ALKBH4: variants seen among roughly 807,000 people sequenced by gnomAD.
ALKBH4 encodes alkB homolog 4, lysine demethylase, also known as alpha-ketoglutarate-dependent dioxygenase alkB homolog 4.
Under a neutral mutation model 12.1 loss-of-function variants are expected in ALKBH4, and 8 were observed. The ratio of observed to expected loss-of-function variants is 0.66; its 90% confidence interval spans 0.39 to 1.19. The LOEUF is 1.19. ALKBH4 is among the 50% of genes most tolerant of loss of function. The pLI is 0.01. For missense variants in ALKBH4, 403 were observed against 430.4 expected (o/e 0.94, Z 0.56); for synonymous variants, 195 against 191.6 (o/e 1.02, Z -0.15).
chr7:102,457,947 T>C lies in ALKBH4; in HGVS notation c.356A>G (p.Lys119Arg). The change falls in exon 3 of 3, where the codon AAG (lysine) becomes AGG (arginine). Residue 119 changes from lysine (K) to arginine (R), a missense_variant. Lys to Arg is a conservative substitution (Grantham distance 26, BLOSUM62 2). Transcript: ENST00000292566. This position sits in a 1 kb window ranked among gnomAD's most constrained non-coding sequence, Gnocchi z 5.9. ...YGPKVNFRKQ[K>R]LKTEGFCGLP... The stretch of plus-strand genomic sequence containing the variant: ...GCCGCAGAAGCCCTCGGTCTTTAGC[T>C]TCTGTTTCCGAAAGTTGACTTTGGG... 1 of 1,610,948 alleles carries C rather than the reference T, an allele frequency of 6.2e-7. No individual in the cohort carries two copies. Among genetic ancestry groups the C allele is most frequent in the Non-Finnish European group, 8.5e-7 (1 of 1,178,200 alleles).
chr7:102,464,703 C>T lies in ALKBH4; in HGVS notation c.123+11G>A, dbSNP rs199521113. Reference sequence around the variant, plus strand: ...GACGTTTGTGGGCGCGGCCCCTCTCCCACCCCTTACCGCTGGGGGCAGCTC... The same window carrying T: ...GACGTTTGTGGGCGCGGCCCCTCTCTCACCCCTTACCGCTGGGGGCAGCTC... On this transcript the variant is annotated intron_variant, in intron 1 of 2. Coordinates refer to ENST00000292566, the MANE Select transcript of ALKBH4 (RefSeq NM_017621.4). 29 of 1,521,766 alleles carry T rather than the reference C, an allele frequency of 1.9e-5. No homozygotes were observed. Among genetic ancestry groups the T allele is most frequent in the Non-Finnish European group, 2.5e-5 (28 of 1,138,396 alleles). 94.3% of individuals were successfully genotyped at this position (1,521,766 alleles called of 1,614,324 possible). A position where few individuals can be genotyped will look rare whatever the true frequency, so the allele number is the denominator to read the frequency against.
Position 102,457,741 on chromosome 7 carries a change from G to C in ALKBH4, c.562C>G (p.Pro188Ala), listed in dbSNP as rs765883433. 6 of 1,577,732 alleles carry C rather than the reference G, an allele frequency of 3.8e-6. No homozygotes were observed. The highest frequency in any genetic ancestry group is 5.2e-6 in the Non-Finnish European group (6 of 1,164,672). The change falls in exon 3 of 3, where the codon CCC becomes GCC. Residue 188 changes from proline to alanine, a missense_variant. Physicochemically the swap from Pro to Ala is conservative, Grantham distance 27 (BLOSUM62 -1). Coordinates refer to ENST00000292566, the MANE Select transcript of ALKBH4 (RefSeq NM_017621.4). This position sits in a 1 kb window ranked among gnomAD's most constrained non-coding sequence, Gnocchi z 5.9. ...ERLVSLNLLS[P>A]TVLSMCREAP... is the part of the protein sequence containing the mutation. ...TCCCGACACATGGACAGCACGGTGGGGGACAGGAGGTTGAGGCTGACCAGC... is the reference window on the plus strand; with the variant it reads ...TCCCGACACATGGACAGCACGGTGGCGGACAGGAGGTTGAGGCTGACCAGC...
intron 1 of ALKBH4, among the ~76,000 whole-genome samples, chr7:102,460,802 C>T (rs766425196): frequency 2.0e-5 from 3 of 152,138 alleles, no homozygotes; most frequent in Admixed American, 1.3e-4. Context: ...CTATCACCAG[C>T]GTGAGGGTCA....
At chr7:102,464,603 TA>T (rs1797893914) in intron 1 of ALKBH4, 110 bp downstream of exon 1, 1 of 1,393,348 alleles carries the variant, frequency 7.2e-7, no homozygotes, top group Non-Finnish European at 9.4e-7. Flanking sequence ...ACCCCTACCG[TA>T]AGGGTCCCTC....
rs1368531062 is a variant in ALKBH4 at position 102,457,796 on chromosome 7, G to A, written c.507C>T (p.His169=). ...CCCCCCACAGCCAGGCGTCGTCCAG[G>A]TGGGGGTCAATGGCAGAGCCCCGCT... ...CPERGSAIDP[H]LDDAWLWGER... is the part of the protein sequence containing the mutation. The change falls in exon 3 of 3, where the codon CAC becomes CAT. Residue 169 remains histidine (H), a synonymous_variant. Coordinates refer to ENST00000292566, the MANE Select transcript of ALKBH4 (RefSeq NM_017621.4). This position sits in a 1 kb window ranked among gnomAD's most constrained non-coding sequence, Gnocchi z 5.9. The A allele has an allele frequency of 3.7e-6, 6 of 1,607,142 alleles. No homozygotes were observed. The highest frequency in any genetic ancestry group is 1.1e-5 in the South Asian group (1 of 90,954).
Position 102,457,826 on chromosome 7 carries a change from G to A in ALKBH4, c.477C>T (p.Cys159=). 6.2e-7 allele frequency: 1 copy of A among 1,610,368 alleles called. No individual in the cohort carries two copies. ...RPVEQCNLDY[C]PERGSAIDPH... ...GGTCAATGGCAGAGCCCCGCTCGGG[G>A]CAGTAGTCCAGGTTGCACTGCTCGA... Residue 159 remains cysteine (C), a synonymous_variant, in exon 3 of 3, where the codon TGC becomes TGT. Coordinates refer to ENST00000292566, the MANE Select transcript of ALKBH4 (RefSeq NM_017621.4). The surrounding 1 kb of genome is among the most constrained non-coding windows in gnomAD (Gnocchi z 5.9).
intron 1 of ALKBH4, among the ~76,000 whole-genome samples, 180 bp from the exon 2 acceptor site, chr7:102,459,981 C>A (rs1399768316): frequency 6.6e-6 from 1 of 151,934 alleles, no homozygotes; most frequent in East Asian, 1.9e-4. Context: ...TGGTGAAACC[C>A]CATCTCTACT....
At chr7:102,460,261 G>A (rs978057473) in intron 1 of ALKBH4, among the ~76,000 whole-genome samples, 4 of 151,218 alleles carry the variant, frequency 2.6e-5, no homozygotes, top group Non-Finnish European at 4.4e-5. Flanking sequence ...GGAGGTTGAG[G>A]CTACAGTGAG....
Position 102,457,135 on chromosome 7 carries a change from A to G in ALKBH4, c.*259T>C. On this transcript the variant is annotated 3_prime_UTR_variant, in exon 3 of 3. Coordinates refer to ENST00000292566, the MANE Select transcript of ALKBH4 (RefSeq NM_017621.4). The surrounding 1 kb of genome is among the most constrained non-coding windows in gnomAD (Gnocchi z 5.9). ...TGAGCCACTGTGCCCGGCCCCCAGT[A>G]TTTTTTAAGCTCAAATGATCCCATG... 7.0e-6 allele frequency: 3 copies of G among 426,468 alleles called. No homozygotes were observed. The South Asian group carries it at 1.3e-4, about 18-fold the overall frequency. 26.4% of individuals were successfully genotyped at this position (426,468 alleles called of 1,614,324 possible).
intron 1 of ALKBH4, among the ~76,000 whole-genome samples, chr7:102,462,053 C>T (rs867909290): frequency 6.6e-6 from 1 of 152,264 alleles, no homozygotes; most frequent in African/African-American, 2.4e-5. Flanking sequence ...TCTCCTCCTG[C>T]TCCTGGGGCC....
chr7:102,458,026 A>G, intron 2 of ALKBH4, 45 bp from the exon 3 acceptor site: 1 of 1,530,600 alleles, frequency 6.5e-7, no homozygotes, highest in African/African-American at 1.4e-5. Flanking sequence ...TGAGTTTACG[A>G]AGATGTCTAC....
chr7:102,459,023 G>C (rs368079466), intron 2 of ALKBH4, among the ~76,000 whole-genome samples: 1 of 151,820 alleles, frequency 6.6e-6, no homozygotes, highest in East Asian at 1.9e-4. Context: ...GTGGGCACCT[G>C]TAGTCCCAGC....
chr7:102,457,259 TG>T lies in ALKBH4; in HGVS notation c.*134del. 9.6e-7 allele frequency: 1 copy of T among 1,046,780 alleles called. No homozygotes were observed. The highest frequency in any genetic ancestry group is 1.4e-6 in the Non-Finnish European group (1 of 729,420). The allele number at this position is 1,046,780 out of a possible 1,614,324, so 64.8% of individuals were successfully genotyped here. A position where few individuals can be genotyped will look rare whatever the true frequency, so the allele number is the denominator to read the frequency against. ...GTACGTTCCCATCAAAACCTGCTCC[TG>T]GGCAGGGCTCACACTGCTCACAGCA... On this transcript the variant is annotated 3_prime_UTR_variant, in exon 3 of 3. Coordinates refer to ENST00000292566, the MANE Select transcript of ALKBH4 (RefSeq NM_017621.4). The surrounding 1 kb of genome is among the most constrained non-coding windows in gnomAD (Gnocchi z 5.9).
chr7:102,464,725 G>T lies in ALKBH4; in HGVS notation c.112C>A (p.Leu38Met). ...CTCCCACCCCTTACCGCTGGGGGCA[G>T]CTCCCAGGGCGGGTCACTGCCGCGC... The part of the protein sequence containing the change: ...RQRGSDPPWE[L>M]PPAKTYRFIY... Residue 38 changes from leucine (L) to methionine (M), a missense_variant, in exon 1 of 3, where the codon CTG (leucine) becomes ATG (methionine). Leu to Met is a conservative substitution (Grantham distance 15). Coordinates refer to ENST00000292566, the MANE Select transcript of ALKBH4 (RefSeq NM_017621.4). The T allele has an allele frequency of 6.4e-7, 1 of 1,553,254 alleles. No homozygotes were observed.
chr7:102,457,438 C>G lies in ALKBH4; in HGVS notation c.865G>C (p.Glu289Gln). The G allele has an allele frequency of 6.2e-7, 1 of 1,613,436 alleles. No individual in the cohort carries two copies. Among genetic ancestry groups the G allele is most frequent in the Non-Finnish European group, 8.5e-7 (1 of 1,179,962 alleles). ...PGGRQQELGQ[E>Q]LLRIALSFQG... ...AAGGAGAGGGCGATCCGCAGCAGTT[C>G]CTGGCCCAGCTCTTGCTGCCTCCCT... is the stretch of plus-strand genomic sequence containing the variant. The change falls in exon 3 of 3, where the codon GAA becomes CAA. Residue 289 changes from glutamate to glutamine, a missense_variant. Transcript: ENST00000292566. This position sits in a 1 kb window ranked among gnomAD's most constrained non-coding sequence, Gnocchi z 5.9.
In ALKBH4 at chr7:102,457,448, C is replaced by T. The variant is rs1426645007; in HGVS notation, c.855G>A (p.Glu285=). The T allele has an allele frequency of 6.2e-7, 1 of 1,613,522 alleles. No individual in the cohort carries two copies. The highest frequency in any genetic ancestry group is 8.5e-7 in the Non-Finnish European group (1 of 1,180,006). ...CGATCCGCAGCAGTTCCTGGCCCAG[C>T]TCTTGCTGCCTCCCTCCAGGGCCAA... is the stretch of plus-strand genomic sequence containing the variant. ...AEFGPGGRQQ[E]LGQELLRIAL... is the part of the protein sequence containing the mutation. Residue 285 remains glutamate (E), a synonymous_variant, in exon 3 of 3, where the codon GAG becomes GAA. Transcript: ENST00000292566. The surrounding 1 kb of genome is among the most constrained non-coding windows in gnomAD (Gnocchi z 5.9).
intron 2 of ALKBH4, 131 bp from the exon 3 acceptor site, chr7:102,458,112 A>T: frequency 1.2e-6 from 1 of 858,442 alleles, no homozygotes; most frequent in Non-Finnish European, 1.8e-6. Context: ...GAGGTGAAGC[A>T]GGAGGAGGCA....
Position 102,457,862 on chromosome 7 carries a change from G to C in ALKBH4, c.441C>G (p.Gly147=), listed in dbSNP as rs1403055744. The part of the protein sequence containing the change: ...RRMGLYPGLE[G]FRPVEQCNLD... ...GGTTGCACTGCTCGACGGGCCGGAA[G>C]CCCTCCAGCCCCGGGTAGAGGCCCA... is the stretch of plus-strand genomic sequence containing the variant. Residue 147 remains glycine (G), a synonymous_variant, in exon 3 of 3, where the codon GGC becomes GGG. Transcript: ENST00000292566. The surrounding 1 kb of genome is among the most constrained non-coding windows in gnomAD (Gnocchi z 5.9). The C allele has an allele frequency of 6.2e-7, 1 of 1,612,042 alleles. No individual in the cohort carries two copies. Among genetic ancestry groups the C allele is most frequent in the Non-Finnish European group, 8.5e-7 (1 of 1,179,996 alleles).
chr7:102,457,790 G>A lies in ALKBH4; in HGVS notation c.513C>T (p.Asp171=), dbSNP rs201378281. 5.7e-5 allele frequency: 92 copies of A among 1,605,210 alleles called. No homozygotes were observed. In the Middle Eastern group the frequency reaches 1.3e-3, roughly 23 times the overall value. Residue 171 remains aspartate (D), a synonymous_variant, in exon 3 of 3, where the codon GAC becomes GAT. Transcript: ENST00000292566. The surrounding 1 kb of genome is among the most constrained non-coding windows in gnomAD (Gnocchi z 5.9). ...GCCGCTCCCCCCACAGCCAGGCGTC[G>A]TCCAGGTGGGGGTCAATGGCAGAGC... The part of the protein sequence containing the change: ...ERGSAIDPHL[D]DAWLWGERLV...
Sources: gnomAD v4.1 joint callset for allele counts (sites outside exome capture counted in the v4.1 genomes callset) on GRCh38, gnomAD v4.1.1 for gene constraint, Gnocchi (gnomAD v3.1) non-coding constraint, MANE v1.5 for transcripts, NCBI Gene and HGNC (gene_info 2026-07-23, HGNC 2026-07-21) for gene names.